SLC9A9: variants seen among roughly 807,000 people sequenced by gnomAD.
SLC9A9 encodes the protein sodium/hydrogen exchanger 9.
A neutral mutation model predicts 77.8 loss-of-function variants in SLC9A9; 62 were observed. The observed-to-expected ratio is 0.80, with a 90% CI of 0.65 to 0.98. The LOEUF (loss-of-function observed/expected upper bound fraction) is 0.98. Ranked by LOEUF, SLC9A9 falls within the 50% of genes least tolerant of loss-of-function variation. The pLI is 0.00. For missense variants in SLC9A9, 775 were observed against 774.9 expected, an observed-to-expected ratio of 1.00 and a Z score of 0.00; for synonymous variants, 320 against 283.5, an observed-to-expected ratio of 1.13 and a Z score of -1.29.
intron 14 of SLC9A9, among the ~76,000 whole-genome samples, chr3:143,354,431 ACT>A (rs2032537703): frequency 6.6e-6 from 1 of 152,092 alleles, no homozygotes; most frequent in Non-Finnish European, 1.5e-5. Context: ...TCTGCCCAAC[ACT>A]CTGTGTGATG....
intron 14 of SLC9A9, among the ~76,000 whole-genome samples, chr3:143,313,963 G>A (rs1161329115): frequency 6.6e-6 from 1 of 152,218 alleles, no homozygotes; most frequent in Non-Finnish European, 1.5e-5. Context: ...CCCCATAGCT[G>A]CCTCTCTGTG....
chr3:143,463,139 G>C (rs1271804999), intron 12 of SLC9A9, among the ~76,000 whole-genome samples: 2 of 152,176 alleles, frequency 1.3e-5, no homozygotes, highest in Non-Finnish European at 2.9e-5. Context: ...AGGTTATCTT[G>C]TTGAGGGCAC....
chr3:143,570,621 T>C (rs966083186), intron 8 of SLC9A9, among the ~76,000 whole-genome samples: 2 of 152,156 alleles, frequency 1.3e-5, no homozygotes, highest in Non-Finnish European at 2.9e-5. Flanking sequence ...GTTCATATGA[T>C]GGAGTATTCA....
chr3:143,467,235 CTT>C (rs764685590), intron 11 of SLC9A9, 45 bp from the exon 12 acceptor site: 47 of 1,612,076 alleles, frequency 2.9e-5, no homozygotes, highest in African/African-American at 4.0e-5. Context: ...TTGCAGGTGT[CTT>C]TTTCATTTCA....
intron 12 of SLC9A9, among the ~76,000 whole-genome samples, chr3:143,386,382 C>T (rs868523983): frequency 2.6e-5 from 4 of 152,172 alleles, no homozygotes; most frequent in Admixed American, 1.3e-4. Context: ...ACCCAGATGT[C>T]AAGAGAGTTG....
At chr3:143,791,373 C>T (rs73869160) in intron 4 of SLC9A9, among the ~76,000 whole-genome samples, 439 of 152,292 alleles carry the variant, frequency 2.9e-3, no homozygotes, top group African/African-American at 0.01. Context: ...CAATGATCTC[C>T]ATTCCTGTAA....
At chr3:143,628,907 T>C (rs1202333088) in intron 6 of SLC9A9, among the ~76,000 whole-genome samples, 1 of 152,216 alleles carries the variant, frequency 6.6e-6, no homozygotes, top group Non-Finnish European at 1.5e-5. Flanking sequence ...CAAAACTTCT[T>C]ATTGAGCAAA....
At chr3:143,694,061 A>G (rs1178479836) in intron 4 of SLC9A9, among the ~76,000 whole-genome samples, 1 of 152,128 alleles carries the variant, frequency 6.6e-6, no homozygotes, top group East Asian at 1.9e-4. Context: ...AGTAGAGGAA[A>G]TAGAGAGGTG....
chr3:143,722,363 C>A (rs1403968495), intron 4 of SLC9A9, among the ~76,000 whole-genome samples: 12 of 148,042 alleles, frequency 8.1e-5, no homozygotes, highest in Non-Finnish European at 8.9e-5. Flanking sequence ...GTCCCAGTTA[C>A]CCGAGAGGCT....
rs552327410 is a variant in SLC9A9 at position 143,413,899 on chromosome 3, G to A, written c.1470-31785C>T. ...GTCTTACGTGGGTGAAAATATACTGGCTTTTTCTGGTGAGGGGCCTGTGCC... is the reference window on the plus strand; with the variant it reads ...GTCTTACGTGGGTGAAAATATACTGACTTTTTCTGGTGAGGGGCCTGTGCC... On this transcript the variant is annotated intron_variant, in intron 12 of 15. Transcript: ENST00000316549. Among the ~76,000 whole-genome samples, 185 of 152,206 alleles carry A rather than the reference G, an allele frequency of 1.2e-3. 1 individual carries two copies. The highest frequency in any genetic ancestry group is 8.5e-4 in the Non-Finnish European group (58 of 67,994).
Position 143,487,366 on chromosome 3 carries a change from T to C in SLC9A9, c.1315+6287A>G, listed in dbSNP as rs550476530. 1.1e-3 allele frequency among the ~76,000 whole-genome samples: 163 copies of C among 151,924 alleles called. 1 individual carries two copies. The highest frequency in any genetic ancestry group is 3.9e-3 in the African/African-American group (162 of 41,540). On this transcript the variant is annotated intron_variant, in intron 11 of 15. Transcript: ENST00000316549. ...ATACCACTCTCAATAATGAACATAA[T>C]AGCCAGATAGAATGTAAGTAAGGGA...
At chr3:143,753,299 A>G (rs139760648) in intron 4 of SLC9A9, among the ~76,000 whole-genome samples, 2 of 152,292 alleles carry the variant, frequency 1.3e-5, no homozygotes, top group East Asian at 3.9e-4. Flanking sequence ...CTTTGCTCAC[A>G]CTAAATGCAT....
chr3:143,305,038 A>G (rs1314353689), intron 14 of SLC9A9, among the ~76,000 whole-genome samples: 1 of 152,158 alleles, frequency 6.6e-6, no homozygotes, highest in East Asian at 1.9e-4. Flanking sequence ...CATTATTATT[A>G]ATTTCTGGGA....
At chr3:143,279,716 C>T (rs774031588) in intron 14 of SLC9A9, among the ~76,000 whole-genome samples, 3 of 152,206 alleles carry the variant, frequency 2.0e-5, no homozygotes, top group Non-Finnish European at 4.4e-5. Flanking sequence ...TGTTCAGCTT[C>T]ATCCATGTCC....
At chr3:143,313,186 G>A (rs112574031) in intron 14 of SLC9A9, 30 of 152,352 alleles carry the variant, frequency 2.0e-4, no homozygotes, top group African/African-American at 6.0e-4. Flanking sequence ...GGCCACTTCC[G>A]TGGTTGTTGT....
chr3:143,517,628 G>A (rs1576548836), intron 9 of SLC9A9: 4 of 1,597,402 alleles, frequency 2.5e-6, no homozygotes, highest in Middle Eastern at 2.3e-4. Flanking sequence ...ATCATGGGCT[G>A]CTTCTTCCTA....
intron 11 of SLC9A9, among the ~76,000 whole-genome samples, chr3:143,470,468 G>A (rs1194812422): frequency 8.0e-6 from 1 of 125,646 alleles, no homozygotes. Flanking sequence ...CAACAAGAGC[G>A]AAATTCTGGC....
At chr3:143,305,380 A>G (rs117029821) in intron 14 of SLC9A9, among the ~76,000 whole-genome samples, 1 of 152,282 alleles carries the variant, frequency 6.6e-6, no homozygotes, top group East Asian at 1.9e-4. Flanking sequence ...ACAGTGATAG[A>G]AGGTAGATGA....
intron 6 of SLC9A9, chr3:143,627,626 C>T (rs181100557): frequency 7.3e-4 from 222 of 304,832 alleles, no homozygotes; most frequent in African/African-American, 4.7e-3. Context: ...AGCCAAAGAT[C>T]CCAAAGGACT....
Sources: allele counts gnomAD v4.1 joint callset (sites outside exome capture counted in the v4.1 genomes callset), GRCh38; gene constraint gnomAD v4.1.1; transcripts MANE v1.5; gene names NCBI Gene and HGNC (gene_info 2026-07-23, HGNC 2026-07-21).